The following ARHGEF3 variants were observed in gnomAD, a reference collection of about 807,000 sequenced individuals.
The protein encoded by ARHGEF3 is 59.8 kDA protein.
Under a neutral mutation model 63.2 loss-of-function variants are expected in ARHGEF3, and 28 were observed. The observed-to-expected ratio is 0.44, with a 90% CI of 0.33 to 0.61. The LOEUF (loss-of-function observed/expected upper bound fraction) is 0.61. Among genes scored for constraint, ARHGEF3 ranks in the 20% least tolerant of loss-of-function variants. The pLI, the probability that ARHGEF3 is intolerant of heterozygous loss-of-function variation, is 0.03. For synonymous variants in ARHGEF3, 266 were observed against 254.2 expected (o/e 1.05, Z -0.44); for missense variants, 533 against 659.3 (o/e 0.81, Z 2.10).
In ARHGEF3 at chr3:57,069,376, AACACAC is replaced by A. The variant is rs147675971; in HGVS notation, c.-28+9844_-28+9849del. Among the ~76,000 whole-genome samples, 41 of 146,450 alleles carry A rather than the reference AACACAC, an allele frequency of 2.8e-4. 1 individual carries two copies. The highest frequency in any genetic ancestry group is 3.5e-3 in the Middle Eastern group (1 of 286). On this transcript the variant is annotated intron_variant, in intron 1 of 12. Coordinates refer to the ARHGEF3 transcript ENST00000338458. ...AAATAACTCTAATCTCTGTCTCTCA[AACACAC>A]ACACACACACACACACACACACACA...
At chr3:56,757,879 C>T (rs1689528619) in intron 2 of ARHGEF3, among the ~76,000 whole-genome samples, 1 of 151,744 alleles carries the variant, frequency 6.6e-6, no homozygotes, top group African/African-American at 2.4e-5. Context: ...CCTGCCACCA[C>T]GCCCGGCTAA....
At chr3:57,010,411 G>A (rs540957074) in intron 2 of ARHGEF3, among the ~76,000 whole-genome samples, 6 of 141,140 alleles carry the variant, frequency 4.3e-5, no homozygotes, top group East Asian at 2.2e-4. Flanking sequence ...AGCCGAGATC[G>A]CACCACTGCA....
At chr3:56,920,728 A>T (rs1015502592) in intron 3 of ARHGEF3, among the ~76,000 whole-genome samples, 2 of 151,804 alleles carry the variant, frequency 1.3e-5, no homozygotes, top group African/African-American at 4.9e-5. Flanking sequence ...AAAATTCCAC[A>T]AACTGAATTT....
chr3:56,993,296 A>G (rs1162601566), intron 2 of ARHGEF3, among the ~76,000 whole-genome samples: 1 of 152,228 alleles, frequency 6.6e-6, no homozygotes, highest in African/African-American at 2.4e-5. Context: ...CATAAAGGAC[A>G]TTAGCAATGG....
At chr3:56,929,578 T>C (rs916563982) in intron 3 of ARHGEF3, among the ~76,000 whole-genome samples, 2 of 152,196 alleles carry the variant, frequency 1.3e-5, no homozygotes, top group African/African-American at 4.8e-5. Flanking sequence ...TTGCCACTAA[T>C]GTCCCATGGA....
At chr3:56,733,969 A>G (rs995393468) in intron 8 of ARHGEF3, among the ~76,000 whole-genome samples, 1 of 148,358 alleles carries the variant, frequency 6.7e-6, no homozygotes, top group African/African-American at 2.5e-5. Context: ...GGGCGACAAA[A>G]GCAAAATTCT....
chr3:57,028,669 G>A (rs1703582677), intron 2 of ARHGEF3, among the ~76,000 whole-genome samples: 2 of 143,794 alleles, frequency 1.4e-5, no homozygotes, highest in African/African-American at 2.6e-5. Flanking sequence ...ATGTGCACAT[G>A]TACCCTAAAA....
At chr3:57,003,286 C>T (rs1419560763) in intron 2 of ARHGEF3, among the ~76,000 whole-genome samples, 1 of 150,418 alleles carries the variant, frequency 6.6e-6, no homozygotes, top group Non-Finnish European at 1.5e-5. Flanking sequence ...TCCTGTAGTC[C>T]CAGCTACTCG....
intron 4 of ARHGEF3, among the ~76,000 whole-genome samples, chr3:56,813,330 T>C (rs1220245271): frequency 1.3e-5 from 2 of 152,226 alleles, no homozygotes; most frequent in Non-Finnish European, 2.9e-5. Flanking sequence ...CTGTATTTTC[T>C]TTGCCACAGT....
At chr3:56,919,390 T>A (rs2042068517) in intron 3 of ARHGEF3, among the ~76,000 whole-genome samples, 1 of 152,210 alleles carries the variant, frequency 6.6e-6, no homozygotes, top group Non-Finnish European at 1.5e-5. Flanking sequence ...ACATCTTATT[T>A]TTTTCAAAAA....
In ARHGEF3 at chr3:56,963,649, C is replaced by A. The variant is rs1700369530; in HGVS notation, c.63-4760G>T. Among the ~76,000 whole-genome samples the A allele has an allele frequency of 2.0e-5, 3 of 152,288 alleles. No homozygotes were observed. The South Asian group carries it at 6.2e-4, about 32-fold the overall frequency. On this transcript the variant is annotated intron_variant, in intron 2 of 12. Coordinates refer to the ARHGEF3 transcript ENST00000338458. ...CTTTTCTCGTTTTACCTCTCTTTAT[C>A]CATCAGAACAATTGTAGCATAACTA... is the stretch of plus-strand genomic sequence containing the variant.
At chr3:56,972,540 T>C (rs1231002259) in intron 2 of ARHGEF3, among the ~76,000 whole-genome samples, 1 of 151,894 alleles carries the variant, frequency 6.6e-6, no homozygotes. Flanking sequence ...GGGTAGGGGA[T>C]CGGGGGTGGT....
chr3:56,920,827 C>T (rs1578847598), intron 3 of ARHGEF3, among the ~76,000 whole-genome samples: 2 of 151,934 alleles, frequency 1.3e-5, no homozygotes, highest in East Asian at 3.9e-4. Flanking sequence ...CCGAGGCGGG[C>T]AGATCACGAG....
intron 3 of ARHGEF3, among the ~76,000 whole-genome samples, chr3:56,951,117 C>T (rs537874591): frequency 8.6e-5 from 13 of 151,230 alleles, no homozygotes; most frequent in Admixed American, 3.3e-4. Context: ...CATCACACAC[C>T]GGGGCCTGTT....
Position 57,030,570 on chromosome 3 carries a change from C to G in ARHGEF3, c.62+4518G>C, listed in dbSNP as rs1024317979. 3.9e-5 allele frequency among the ~76,000 whole-genome samples: 6 copies of G among 152,316 alleles called. No individual in the cohort carries two copies. The South Asian group carries it at 1.2e-3, about 32-fold the overall frequency. On this transcript the variant is annotated intron_variant, in intron 2 of 12. Coordinates refer to the ARHGEF3 transcript ENST00000338458. Reference sequence around the variant, plus strand: ...ATAAGTGAAGTCCTTACTATCCAACCATTTCACCACAGGTCCATTCATAGG... The same window carrying G: ...ATAAGTGAAGTCCTTACTATCCAACGATTTCACCACAGGTCCATTCATAGG...
At chr3:57,049,936 G>A (rs1704604147) in intron 1 of ARHGEF3, among the ~76,000 whole-genome samples, 1 of 152,212 alleles carries the variant, frequency 6.6e-6, no homozygotes, top group African/African-American at 2.4e-5. Flanking sequence ...GGGATTGACA[G>A]CAACAACTGC....
intron 4 of ARHGEF3, among the ~76,000 whole-genome samples, chr3:56,831,973 G>T (rs2038947172): frequency 6.6e-6 from 1 of 152,182 alleles, no homozygotes; most frequent in Non-Finnish European, 1.5e-5. Context: ...GAGTTACCGT[G>T]GACTTGAGAA....
chr3:56,741,273 C>T (rs1288033461), intron 7 of ARHGEF3, among the ~76,000 whole-genome samples: 3 of 151,170 alleles, frequency 2.0e-5, no homozygotes, highest in East Asian at 1.9e-4. Flanking sequence ...GCAACCTCCG[C>T]CTCCCGGGTT....
intron 1 of ARHGEF3, chr3:56,775,610 G>A (rs1033842669): frequency 6.1e-6 from 6 of 985,414 alleles, no homozygotes; most frequent in South Asian, 4.7e-5. Context: ...AAGCCATTGC[G>A]TGACAATGAT....
Sources: allele counts gnomAD v4.1 joint callset (sites outside exome capture counted in the v4.1 genomes callset), GRCh38; gene constraint gnomAD v4.1.1; transcripts MANE v1.5; gene names NCBI Gene and HGNC (gene_info 2026-07-23, HGNC 2026-07-21).